LIMCH1: variants seen among roughly 807,000 people sequenced by gnomAD.
The protein encoded by LIMCH1 is LIM and calponin homology domains-containing protein 1.
LIMCH1 carries 113 observed loss-of-function variants against 176.5 expected under a neutral mutation model. The observed-to-expected ratio is 0.64, with a 90% CI of 0.55 to 0.75. The LOEUF (loss-of-function observed/expected upper bound fraction) is 0.75. LIMCH1 is among the 30% of genes least tolerant of loss of function. The probability of loss-of-function intolerance (pLI) is 0.00; values close to 1 mark genes in which losing one functional copy is unlikely to be tolerated. For synonymous variants in LIMCH1, 619 were observed against 645.9 expected (o/e 0.96, Z 0.63); for missense variants, 1,674 against 1,814.9 (o/e 0.92, Z 1.41).
chr4:41,509,519 G>A (rs1031221841), intron 2 of LIMCH1, among the ~76,000 whole-genome samples: 1 of 152,126 alleles, frequency 6.6e-6, no homozygotes, highest in Non-Finnish European at 1.5e-5. Context: ...AATTGGCCAC[G>A]CTGACTTGGC....
intron 20 of LIMCH1, among the ~76,000 whole-genome samples, chr4:41,665,866 G>A (rs925407185): frequency 2.0e-5 from 3 of 152,090 alleles, no homozygotes; most frequent in African/African-American, 7.2e-5. Flanking sequence ...AAATTAAGTA[G>A]CAATAACAAG....
chr4:41,361,089 C>T (rs1370086682), intron 1 of LIMCH1, among the ~76,000 whole-genome samples: 2 of 152,110 alleles, frequency 1.3e-5, no homozygotes, highest in African/African-American at 4.8e-5. Flanking sequence ...CCTCGGCGAG[C>T]CGCGAAACCT....
chr4:41,586,737 T>A (rs2086551859), intron 1 of LIMCH1, among the ~76,000 whole-genome samples: 1 of 152,204 alleles, frequency 6.6e-6, no homozygotes, highest in Admixed American at 6.5e-5. Context: ...ATAGATTCCT[T>A]GGAATCCAGA....
In LIMCH1 at chr4:41,619,401, G is replaced by C. The variant is rs764413853; in HGVS notation, c.419G>C (p.Ser140Thr). ...AEREEYRKSWSTATSPLGGER... is the reference protein window; with the variant it reads ...AEREEYRKSWTTATSPLGGER... ...AGAGAGGAATACCGCAAGAGCTGGA[G>C]TACCGCCACCTCCCCGCTGGGTGGG... The change falls in exon 6 of 32, where the codon AGT becomes ACT. Residue 140 changes from serine to threonine, a missense_variant. Coordinates refer to ENST00000503057, the MANE Select transcript of LIMCH1 (RefSeq NM_001330672.2). The C allele has an allele frequency of 4.3e-6, 7 of 1,612,782 alleles. No homozygotes were observed. The highest frequency in any genetic ancestry group is 5.9e-6 in the Non-Finnish European group (7 of 1,180,034).
intron 26 of LIMCH1, among the ~76,000 whole-genome samples, chr4:41,684,076 T>C (rs1298579249): frequency 2.6e-5 from 4 of 152,184 alleles, no homozygotes; most frequent in Non-Finnish European, 4.4e-5. Flanking sequence ...AAAGGTTCCA[T>C]GTGGCTAAAT....
intron 1 of LIMCH1, among the ~76,000 whole-genome samples, chr4:41,543,566 C>T (rs976673631): frequency 1.7e-4 from 26 of 152,118 alleles, no homozygotes; most frequent in African/African-American, 5.3e-4. Flanking sequence ...GCATACTGTC[C>T]GGTAGACTGA....
At chr4:41,660,206 A>AT (rs1023109476) in intron 18 of LIMCH1, among the ~76,000 whole-genome samples, 1 of 152,036 alleles carries the variant, frequency 6.6e-6, no homozygotes, top group African/African-American at 2.4e-5. Flanking sequence ...TCAACATCTT[A>AT]TTTTTTCATG....
intron 31 of LIMCH1, among the ~76,000 whole-genome samples, chr4:41,696,033 C>G (rs1440376246): frequency 6.6e-6 from 1 of 151,936 alleles, no homozygotes; most frequent in East Asian, 1.9e-4. Flanking sequence ...CTAAGTGAAA[C>G]AAAATAATTT....
rs538326371 is a variant in LIMCH1 at position 41,492,767 on chromosome 4, T to A, written c.97-1769T>A. Among the ~76,000 whole-genome samples, 31 of 152,314 alleles carry A rather than the reference T, an allele frequency of 2.0e-4. No homozygotes were observed. In the South Asian group the frequency reaches 5.6e-3, roughly 28 times the overall value. On this transcript the variant is annotated intron_variant, in intron 1 of 26. Coordinates refer to the LIMCH1 transcript ENST00000313860. ...CCATTTCTCTGTATAGTTCTATCTG[T>A]TTTGGCTTGCATATTTTGAAGCTTT...
intron 1 of LIMCH1, among the ~76,000 whole-genome samples, chr4:41,591,435 A>G (rs2087545686): frequency 6.6e-6 from 1 of 151,942 alleles, no homozygotes; most frequent in African/African-American, 2.4e-5. Context: ...TTATAGAGAG[A>G]GTCTTGCTCT....
At position 41,646,732 on chromosome 4, in the gene LIMCH1, A is replaced by G. The variant is rs1279087739; in HGVS notation, c.2659A>G (p.Thr887Ala). 2 of 1,614,214 alleles carry G rather than the reference A, an allele frequency of 1.2e-6. No individual in the cohort carries two copies. Among genetic ancestry groups the G allele is most frequent in the Non-Finnish European group, 1.7e-6 (2 of 1,180,030 alleles). ...ACTGCCTCCACCCAAATTCACTGCC[A>G]CTGTTGAAACCACCATTGCTCGTGC... ...QSLPPPKFTA[T>A]VETTIARASV... is the part of the protein sequence containing the mutation. The change falls in exon 17 of 32, where the codon ACT becomes GCT. Residue 887 changes from threonine to alanine, a missense_variant. Thr to Ala is a moderately conservative substitution (Grantham distance 58). Coordinates refer to ENST00000503057, the MANE Select transcript of LIMCH1 (RefSeq NM_001330672.2).
At chr4:41,397,299 T>A (rs777534334) in intron 1 of LIMCH1, among the ~76,000 whole-genome samples, 2 of 152,226 alleles carry the variant, frequency 1.3e-5, no homozygotes, top group Non-Finnish European at 2.9e-5. Context: ...CAGGATTATC[T>A]AATTCTGGGT....
At chr4:41,420,939 G>A (rs1216576539) in intron 1 of LIMCH1, among the ~76,000 whole-genome samples, 1 of 152,186 alleles carries the variant, frequency 6.6e-6, no homozygotes, top group Non-Finnish European at 1.5e-5. Flanking sequence ...CTTCAAAAAG[G>A]TGCATACAAG....
At chr4:41,500,327 A>C (rs1374680214) in intron 2 of LIMCH1, among the ~76,000 whole-genome samples, 3 of 152,162 alleles carry the variant, frequency 2.0e-5, no homozygotes, top group Middle Eastern at 3.2e-3. Context: ...TTCTTTCTAC[A>C]TTTGTTAGCT....
intron 14 of LIMCH1, among the ~76,000 whole-genome samples, chr4:41,642,737 C>CTTTTTTTTTTTTTT (rs368906535): frequency 1.5e-5 from 2 of 136,402 alleles, no homozygotes; most frequent in African/African-American, 2.7e-5. Flanking sequence ...TTTCTTTTTT[C>CTTTTTTTTTTTTTT]TTTTTTTTTT....
At chr4:41,651,386 C>T (rs2094292481) in intron 18 of LIMCH1, among the ~76,000 whole-genome samples, 1 of 152,174 alleles carries the variant, frequency 6.6e-6, no homozygotes, top group Non-Finnish European at 1.5e-5. Flanking sequence ...TAACTAATCA[C>T]ATCTGCAGCA....
intron 1 of LIMCH1, among the ~76,000 whole-genome samples, chr4:41,394,598 C>T (rs1024554529): frequency 6.6e-6 from 1 of 152,150 alleles, no homozygotes; most frequent in Non-Finnish European, 1.5e-5. Flanking sequence ...GAAATTACTG[C>T]TCTTCTTGAT....
intron 1 of LIMCH1, among the ~76,000 whole-genome samples, chr4:41,461,053 A>G (rs2065303102): frequency 6.6e-6 from 1 of 152,242 alleles, no homozygotes; most frequent in Non-Finnish European, 1.5e-5. Context: ...GGAAATAGGA[A>G]TAATGAACAT....
chr4:41,567,778 G>C (rs370385408), intron 1 of LIMCH1, among the ~76,000 whole-genome samples: 2 of 152,150 alleles, frequency 1.3e-5, no homozygotes, highest in Non-Finnish European at 2.9e-5. Flanking sequence ...GTAATAAATA[G>C]CTCTTTTTTT....
Sources: allele counts gnomAD v4.1 joint callset (sites outside exome capture counted in the v4.1 genomes callset), GRCh38; gene constraint gnomAD v4.1.1; transcripts MANE v1.5; gene names NCBI Gene and HGNC (gene_info 2026-07-23, HGNC 2026-07-21).